The following LRRC4C variants were observed in gnomAD, a reference collection of about 807,000 sequenced individuals.
LRRC4C encodes the protein leucine-rich repeat-containing protein 4C.
In LRRC4C, 5 loss-of-function variants were observed where a neutral mutation model predicts 33.6. The observed-to-expected ratio is 0.15, with a 90% CI of 0.08 to 0.31. The LOEUF is 0.31. LRRC4C is among the 10% of genes least tolerant of loss of function. The pLI, the probability that LRRC4C is intolerant of heterozygous loss-of-function variation, is 1.00. For synonymous variants in LRRC4C, 329 were observed against 302.0 expected, an observed-to-expected ratio of 1.09 and a Z score of -0.93; for missense variants, 560 against 796.7, an observed-to-expected ratio of 0.70 and a Z score of 3.58.
chr11:40,537,454 T>C (rs1397451037), intron 3 of LRRC4C, among the ~76,000 whole-genome samples: 4 of 152,170 alleles, frequency 2.6e-5, no homozygotes, highest in Non-Finnish European at 5.9e-5. Context: ...TTCCCCATAA[T>C]ACTATATCCC....
chr11:40,687,418 A>T (rs1591466676), intron 2 of LRRC4C, among the ~76,000 whole-genome samples: 1 of 152,226 alleles, frequency 6.6e-6, no homozygotes, highest in African/African-American at 2.4e-5. Context: ...AGATAGATAG[A>T]TCGATCCTCT....
chr11:41,185,159 T>C (rs188003762), intron 1 of LRRC4C, among the ~76,000 whole-genome samples: 2 of 152,318 alleles, frequency 1.3e-5, no homozygotes, highest in Admixed American at 1.3e-4. Flanking sequence ...ATTATATATG[T>C]ATATTACAAA....
intron 3 of LRRC4C, among the ~76,000 whole-genome samples, chr11:40,358,467 GA>G (rs1400690580): frequency 6.6e-6 from 1 of 152,138 alleles, no homozygotes; most frequent in Non-Finnish European, 1.5e-5. Flanking sequence ...TTTTAGTAGA[GA>G]TGGGGTTTCA....
intron 3 of LRRC4C, among the ~76,000 whole-genome samples, chr11:40,389,370 C>G (rs9787794): frequency 0.39 from 59,564 of 151,694 alleles, 11,929 homozygotes; most frequent in East Asian, 0.49. Context: ...AGGTACACGG[C>G]GTGGGTTAGT....
At chr11:40,757,356 A>C (rs577399333) in intron 2 of LRRC4C, among the ~76,000 whole-genome samples, 89 of 152,144 alleles carry the variant, frequency 5.8e-4, no homozygotes, top group African/African-American at 2.0e-3. Context: ...TTGACTCTTA[A>C]ACTTGCCTCT....
chr11:40,279,446 A>G (rs943829146), intron 4 of LRRC4C, among the ~76,000 whole-genome samples: 3 of 152,196 alleles, frequency 2.0e-5, no homozygotes, highest in Non-Finnish European at 2.9e-5. Context: ...TTTTTATTAA[A>G]CAATCTGCCT....
intron 1 of LRRC4C, among the ~76,000 whole-genome samples, chr11:41,143,140 T>C (rs142566060): frequency 2.6e-5 from 4 of 151,764 alleles, no homozygotes; most frequent in African/African-American, 9.7e-5. Flanking sequence ...AGTGCCACAA[T>C]AATCTCTCTG....
chr11:41,014,575 A>G (rs886512372), intron 1 of LRRC4C, among the ~76,000 whole-genome samples: 3 of 151,928 alleles, frequency 2.0e-5, no homozygotes, highest in African/African-American at 7.3e-5. Context: ...TTATAATGGA[A>G]GATAAACCTG....
At chr11:40,425,756 A>G (rs1473780778) in intron 3 of LRRC4C, among the ~76,000 whole-genome samples, 2 of 152,214 alleles carry the variant, frequency 1.3e-5, no homozygotes, top group Admixed American at 1.3e-4. Flanking sequence ...GAACAACTAA[A>G]TTATTGTCTA....
At chr11:40,537,619 T>G (rs1956530347) in intron 3 of LRRC4C, among the ~76,000 whole-genome samples, 1 of 152,150 alleles carries the variant, frequency 6.6e-6, no homozygotes, top group Admixed American at 6.6e-5. Context: ...AAAGGAAGTT[T>G]GGCCCCTACC....
intron 3 of LRRC4C, among the ~76,000 whole-genome samples, chr11:40,542,749 G>T (rs974282120): frequency 1.3e-5 from 2 of 152,002 alleles, no homozygotes; most frequent in African/African-American, 4.8e-5. Flanking sequence ...CATTCTAAAT[G>T]TATAGTCCAA....
At chr11:40,531,029 C>T (rs1394338636) in intron 3 of LRRC4C, among the ~76,000 whole-genome samples, 2 of 151,994 alleles carry the variant, frequency 1.3e-5, no homozygotes, top group African/African-American at 4.8e-5. Context: ...GCATTCAAAA[C>T]AACTATTGGC....
chr11:41,445,874 G>GTGTGTC (rs1565679824), intron 1 of LRRC4C, among the ~76,000 whole-genome samples: 1 of 151,700 alleles, frequency 6.6e-6, no homozygotes, highest in Non-Finnish European at 1.5e-5. Flanking sequence ...GCATGTGTGT[G>GTGTGTC]TGTGTGTGTG....
intron 1 of LRRC4C, among the ~76,000 whole-genome samples, chr11:41,413,913 T>C (rs749236148): frequency 2.6e-5 from 4 of 152,124 alleles, no homozygotes; most frequent in Non-Finnish European, 5.9e-5. Flanking sequence ...AATCACTAAA[T>C]GAGATATCTA....
intron 3 of LRRC4C, among the ~76,000 whole-genome samples, chr11:40,369,405 C>T (rs1176952478): frequency 2.6e-5 from 4 of 152,098 alleles, no homozygotes; most frequent in South Asian, 2.1e-4. Flanking sequence ...AGTGCAATGG[C>T]GCGATCTCGG....
chr11:40,986,221 A>T (rs1043125168), intron 1 of LRRC4C, among the ~76,000 whole-genome samples: 1 of 152,120 alleles, frequency 6.6e-6, no homozygotes, highest in Non-Finnish European at 1.5e-5. Flanking sequence ...TCCCACTGTG[A>T]TTGGTGGAGT....
intron 4 of LRRC4C, among the ~76,000 whole-genome samples, chr11:40,280,683 C>T (rs1590897357): frequency 6.6e-6 from 1 of 152,158 alleles, no homozygotes; most frequent in Non-Finnish European, 1.5e-5. Context: ...TGGGCTCACT[C>T]ATAGTAAAGT....
At chr11:40,467,429 A>G (rs1952705359) in intron 3 of LRRC4C, among the ~76,000 whole-genome samples, 1 of 152,192 alleles carries the variant, frequency 6.6e-6, no homozygotes, top group Non-Finnish European at 1.5e-5. Context: ...TCCTAGTACA[A>G]TGTAATTAAC....
rs1004917973 is a variant in LRRC4C at position 41,399,434 on chromosome 11, A to G, written c.-496+59997T>C. On this transcript the variant is annotated intron_variant, in intron 1 of 6. Coordinates refer to ENST00000528697, the MANE Select transcript of LRRC4C (RefSeq NM_001258419.2). ...TGGGAGGGTGCATTGCAATGAGTGC[A>G]TGAAATTACAGTACAAAGGATCAAA... 5.9e-5 allele frequency among the ~76,000 whole-genome samples: 9 copies of G among 152,090 alleles called. 1 individual carries two copies. The Middle Eastern group carries it at 0.01, about 172-fold the overall frequency.
Sources: allele counts gnomAD v4.1 joint callset (sites outside exome capture counted in the v4.1 genomes callset), GRCh38; gene constraint gnomAD v4.1.1; transcripts MANE v1.5; gene names NCBI Gene and HGNC (gene_info 2026-07-23, HGNC 2026-07-21).